THAP11: variants seen among roughly 807,000 people sequenced by gnomAD.
The protein encoded by THAP11 is THAP domain-containing protein 11.
THAP11 carries 8 observed loss-of-function variants against 24.1 expected under a neutral mutation model. The observed-to-expected ratio is 0.33, with a 90% CI of 0.20 to 0.60. THAP11 has a LOEUF of 0.60. Ranked by LOEUF, THAP11 falls within the 20% of genes least tolerant of loss-of-function variation. THAP11 has a pLI of 0.82. For synonymous variants in THAP11, 222 were observed against 180.2 expected, an observed-to-expected ratio of 1.23 and a Z score of -1.86; for missense variants, 276 against 418.4, an observed-to-expected ratio of 0.66 and a Z score of 2.97.
Position 67,843,212 on chromosome 16 carries a change from G to T in THAP11, c.658G>T (p.Ala220Ser), listed in dbSNP as rs762984802. The change falls in exon 1 of 1, where the codon GCT (alanine) becomes TCT (serine). Residue 220 changes from alanine to serine, a missense_variant. Coordinates refer to ENST00000303596, the MANE Select transcript of THAP11 (RefSeq NM_020457.3). The surrounding 1 kb of genome is among the most constrained non-coding windows in gnomAD (Gnocchi z 5.7). ...ACAGGCTGCTACCGCAGGGCTGGAG[G>T]CTGCCGAGTGCCCTATGGGCCCCCA... ...ELQAATAGLE[A>S]AECPMGPQLV... 4.3e-6 allele frequency: 7 copies of T among 1,611,722 alleles called. No individual in the cohort carries two copies. The East Asian group carries it at 1.6e-4, about 36-fold the overall frequency.
chr16:67,842,812 T>C lies in THAP11; in HGVS notation c.258T>C (p.Asn86=), dbSNP rs2057771072. ...CCATCTTCCCGCTGCGCGGCGTCAA[T>C]GAGCGCAAAGTAGCGCGCAGACCCG... ...VPTIFPLRGV[N]ERKVARRPAG... The change falls in exon 1 of 1, where the codon AAT becomes AAC. Residue 86 remains asparagine (N), a synonymous_variant. Transcript: ENST00000303596. This position sits in a 1 kb window ranked among gnomAD's most constrained non-coding sequence, Gnocchi z 4.9. 6 of 1,610,212 alleles carry C rather than the reference T, an allele frequency of 3.7e-6. No homozygotes were observed. In the East Asian group the frequency reaches 1.3e-4, roughly 36 times the overall value.
chr16:67,843,266 C>T lies in THAP11; in HGVS notation c.712C>T (p.Pro238Ser), dbSNP rs953302157. 8.1e-6 allele frequency: 13 copies of T among 1,613,342 alleles called. No homozygotes were observed. The highest frequency in any genetic ancestry group is 1.1e-5 in the Non-Finnish European group (13 of 1,179,792). The change falls in exon 1 of 1, where the codon CCT becomes TCT. Residue 238 changes from proline to serine, a missense_variant. This residue lies in a region of THAP11 where 210 missense variants were observed against 203.4 expected (regional missense o/e 1.03). Coordinates refer to ENST00000303596, the MANE Select transcript of THAP11 (RefSeq NM_020457.3). This position sits in a 1 kb window ranked among gnomAD's most constrained non-coding sequence, Gnocchi z 5.7. ...QLVVVGEEGF[P>S]DTGSDHSYSL... is the part of the protein sequence containing the mutation. ...GGTGGTGGTAGGGGAAGAGGGCTTC[C>T]CTGATACTGGCTCCGACCATTCGTA...
Position 67,842,983 on chromosome 16 carries a change from C to G in THAP11, c.429C>G (p.Ala143=). 6.2e-7 allele frequency: 1 copy of G among 1,612,234 alleles called. No individual in the cohort carries two copies. The highest frequency in any genetic ancestry group is 1.1e-5 in the South Asian group (1 of 91,040). The change falls in exon 1 of 1, where the codon GCC becomes GCG. Residue 143 remains alanine (A), a synonymous_variant. Transcript: ENST00000303596. The surrounding 1 kb of genome is among the most constrained non-coding windows in gnomAD (Gnocchi z 4.9). ...SSPSASTAQT[A]QLQPNLVSAS... ...CCTCTGCCTCCACTGCCCAGACTGC[C>G]CAGCTGCAGCCGAACCTGGTATCTG... is the stretch of plus-strand genomic sequence containing the variant.
chr16:67,842,923 G>GCAGCAA lies in THAP11; in HGVS notation c.374_375insACAGCA (p.Gln131_Gln132dup), dbSNP rs1555494453. The GCAGCAA allele has an allele frequency of 2.7e-4, 192 of 705,498 alleles. No individual in the cohort carries two copies. Among genetic ancestry groups the GCAGCAA allele is most frequent in the South Asian group, 3.6e-4 (9 of 25,326 alleles). 43.7% of individuals were successfully genotyped at this position (705,498 alleles called of 1,614,324 possible). ...AGCAACAGCAGCAGCAGCAGCAACAGCAGCAGCAGCAGCAGCAGCAGCAGC... is the reference window on the plus strand; with the variant it reads ...AGCAACAGCAGCAGCAGCAGCAACAGCAGCAACAGCAGCAGCAGCAGCAGCAGCAGC... On this transcript the variant is annotated inframe_insertion, in exon 1 of 1. Transcript: ENST00000303596. The surrounding 1 kb of genome is among the most constrained non-coding windows in gnomAD (Gnocchi z 4.9).
Position 67,842,635 on chromosome 16 carries a change from A to G in THAP11, c.81A>G (p.Pro27=), listed in dbSNP as rs763532068. ...RDKALHFYTF[P]KDAELRRLWL... is the part of the protein sequence containing the mutation. ...AGGCGCTGCACTTCTACACGTTTCC[A>G]AAGGACGCTGAGTTGCGGCGCCTCT... Residue 27 remains proline, a synonymous_variant, in exon 1 of 1, where the codon CCA becomes CCG. Coordinates refer to ENST00000303596, the MANE Select transcript of THAP11 (RefSeq NM_020457.3). This position sits in a 1 kb window ranked among gnomAD's most constrained non-coding sequence, Gnocchi z 4.9. The G allele has an allele frequency of 4.9e-5, 76 of 1,553,522 alleles. No homozygotes were observed. The highest frequency in any genetic ancestry group is 6.2e-5 in the Non-Finnish European group (71 of 1,148,180).
rs748123613 is a variant in THAP11 at position 67,842,887 on chromosome 16, G to GCAGCAA, written c.339_344dup (p.Gln131_Gln132dup). The GCAGCAA allele has an allele frequency of 1.3e-6, 2 of 1,585,862 alleles. No homozygotes were observed. Among genetic ancestry groups the GCAGCAA allele is most frequent in the African/African-American group, 1.5e-5 (1 of 68,286 alleles). Reference sequence around the variant, plus strand: ...GGCAGCAGCAGCAACAGCAGCAGCAGCAGCAACAGCAGCAACAGCAGCAGC... The same window carrying GCAGCAA: ...GGCAGCAGCAGCAACAGCAGCAGCAGCAGCAACAGCAACAGCAGCAACAGCAGCAGC... On this transcript the variant is annotated inframe_insertion, in exon 1 of 1. Coordinates refer to ENST00000303596, the MANE Select transcript of THAP11 (RefSeq NM_020457.3). The surrounding 1 kb of genome is among the most constrained non-coding windows in gnomAD (Gnocchi z 4.9).
rs762984802 is a variant in THAP11, at chr16:67,843,212, G to A, written c.658G>A (p.Ala220Thr). 19 of 1,611,722 alleles carry A rather than the reference G, an allele frequency of 1.2e-5. No individual in the cohort carries two copies. Among genetic ancestry groups the A allele is most frequent in the South Asian group, 8.8e-5 (8 of 91,076 alleles). The change falls in exon 1 of 1, where the codon GCT becomes ACT. Residue 220 changes from alanine (A) to threonine (T), a missense_variant. By Grantham distance (58) the Ala-to-Thr change is moderately conservative (BLOSUM62 0). This residue lies in a region of THAP11 where 210 missense variants were observed against 203.4 expected (regional missense o/e 1.03). Coordinates refer to ENST00000303596, the MANE Select transcript of THAP11 (RefSeq NM_020457.3). The surrounding 1 kb of genome is among the most constrained non-coding windows in gnomAD (Gnocchi z 5.7). ...ACAGGCTGCTACCGCAGGGCTGGAGGCTGCCGAGTGCCCTATGGGCCCCCA... is the reference window on the plus strand; with the variant it reads ...ACAGGCTGCTACCGCAGGGCTGGAGACTGCCGAGTGCCCTATGGGCCCCCA... ...ELQAATAGLEAAECPMGPQLV... is the reference protein window; with the variant it reads ...ELQAATAGLETAECPMGPQLV...
rs2057769334 is a variant in THAP11 at position 67,842,541 on chromosome 16, C to T, written c.-14C>T. On this transcript the variant is annotated 5_prime_UTR_variant, in exon 1 of 1. Transcript: ENST00000303596. This position sits in a 1 kb window ranked among gnomAD's most constrained non-coding sequence, Gnocchi z 4.9. Reference sequence around the variant, plus strand: ...AGGAGGCCGGTGGGCCGGGCCGGGCCGCGCGGCGCAGCCATGCCTGGCTTT... The same window carrying T: ...AGGAGGCCGGTGGGCCGGGCCGGGCTGCGCGGCGCAGCCATGCCTGGCTTT... 6.7e-7 allele frequency: 1 copy of T among 1,497,580 alleles called. No individual in the cohort carries two copies. Among genetic ancestry groups the T allele is most frequent in the South Asian group, 1.3e-5 (1 of 77,526 alleles). 92.8% of individuals were successfully genotyped at this position (1,497,580 alleles called of 1,614,324 possible).
At position 67,843,625 on chromosome 16, in the gene THAP11, CT is replaced by C. The variant is rs2057779802; in HGVS notation, c.*127del. 1.8e-5 allele frequency: 17 copies of C among 968,926 alleles called. No individual in the cohort carries two copies. The South Asian group carries it at 3.0e-4, about 17-fold the overall frequency. The allele number at this position is 968,926 out of a possible 1,614,324, so 60.0% of individuals were successfully genotyped here. ...TACTGAGGCTTAAGGCAGCTGGACT[CT>C]CTTGCTGGTGACCTGGCATCCTCAA... On this transcript the variant is annotated 3_prime_UTR_variant, in exon 1 of 1. Transcript: ENST00000303596. The surrounding 1 kb of genome is among the most constrained non-coding windows in gnomAD (Gnocchi z 5.7).
chr16:67,842,990 C>T lies in THAP11; in HGVS notation c.436C>T (p.Gln146Ter). The part of the protein sequence containing the change: ...SASTAQTAQL[Q>*]PNLVSASAAV... ...CTCCACTGCCCAGACTGCCCAGCTGCAGCCGAACCTGGTATCTGCTTCCGC... is the reference window on the plus strand; with the variant it reads ...CTCCACTGCCCAGACTGCCCAGCTGTAGCCGAACCTGGTATCTGCTTCCGC... Residue 146 changes from glutamine (Q) to a stop codon, truncating the protein, a stop_gained, in exon 1 of 1, where the codon CAG becomes TAG. Transcript: ENST00000303596. LOFTEE classifies it high-confidence loss of function. This position sits in a 1 kb window ranked among gnomAD's most constrained non-coding sequence, Gnocchi z 4.9. 1 of 1,612,482 alleles carries T rather than the reference C, an allele frequency of 6.2e-7. No homozygotes were observed.
At position 67,843,627 on chromosome 16, in the gene THAP11, C is replaced by A; in HGVS notation, c.*128C>A. 1 of 955,582 alleles carries A rather than the reference C, an allele frequency of 1.0e-6. No individual in the cohort carries two copies. The highest frequency in any genetic ancestry group is 1.5e-6 in the Non-Finnish European group (1 of 651,958). 59.2% of individuals were successfully genotyped at this position (955,582 alleles called of 1,614,324 possible). On this transcript the variant is annotated 3_prime_UTR_variant, in exon 1 of 1. Transcript: ENST00000303596. This position sits in a 1 kb window ranked among gnomAD's most constrained non-coding sequence, Gnocchi z 5.7. ...CTGAGGCTTAAGGCAGCTGGACTCT[C>A]TTGCTGGTGACCTGGCATCCTCAAT...
At position 67,842,888 on chromosome 16, in the gene THAP11, C is replaced by T; in HGVS notation, c.334C>T (p.Gln112Ter). Reference protein sequence around the residue: ...RRQQQQQQQQQQQQQQQQQQQ... With the variant: ...RRQQQQQQQQ The stretch of plus-strand genomic sequence containing the variant: ...GCAGCAGCAGCAACAGCAGCAGCAG[C>T]AGCAACAGCAGCAACAGCAGCAGCA... Residue 112 changes from glutamine to a stop codon, truncating the protein, a stop_gained, in exon 1 of 1, where the codon CAG becomes TAG. Transcript: ENST00000303596. LOFTEE classifies it high-confidence loss of function. The surrounding 1 kb of genome is among the most constrained non-coding windows in gnomAD (Gnocchi z 4.9). 2 of 1,585,854 alleles carry T rather than the reference C, an allele frequency of 1.3e-6. No homozygotes were observed. Among genetic ancestry groups the T allele is most frequent in the Non-Finnish European group, 1.7e-6 (2 of 1,170,094 alleles).
chr16:67,842,925 AGC>A lies in THAP11; in HGVS notation c.372_373del (p.Gln125AlafsTer114). 1 of 1,336,220 alleles carries A rather than the reference AGC, an allele frequency of 7.5e-7. No individual in the cohort carries two copies. The allele number at this position is 1,336,220 out of a possible 1,614,324, so 82.8% of individuals were successfully genotyped here. On this transcript the variant is annotated frameshift_variant, in exon 1 of 1. Coordinates refer to ENST00000303596, the MANE Select transcript of THAP11 (RefSeq NM_020457.3). LOFTEE classifies it high-confidence loss of function. This position sits in a 1 kb window ranked among gnomAD's most constrained non-coding sequence, Gnocchi z 4.9. ...CAACAGCAGCAGCAGCAGCAACAGC[AGC>A]AGCAGCAGCAGCAGCAGCAGCAGTC...
At position 67,842,396 on chromosome 16, in the gene THAP11, C is replaced by A. The variant is rs2057767805; in HGVS notation, c.-159C>A. ...GCCGGCAGGAAGCGTATTCTGGGCA[C>A]GGGGCGCCGGGCGGGCCGGCTGCGC... On this transcript the variant is annotated 5_prime_UTR_variant, in exon 1 of 1. Coordinates refer to ENST00000303596, the MANE Select transcript of THAP11 (RefSeq NM_020457.3). This position sits in a 1 kb window ranked among gnomAD's most constrained non-coding sequence, Gnocchi z 4.9. 1 of 369,446 alleles carries A rather than the reference C, an allele frequency of 2.7e-6. No homozygotes were observed. The highest frequency in any genetic ancestry group is 4.2e-6 in the Non-Finnish European group (1 of 240,570). 22.9% of individuals were successfully genotyped at this position (369,446 alleles called of 1,614,324 possible).
Position 67,842,893 on chromosome 16 carries a change from ACAGCAGCAACAG to A in THAP11, c.348_359del (p.Gln129_Gln132del), listed in dbSNP as rs963979127. 16 of 1,585,438 alleles carry A rather than the reference ACAGCAGCAACAG, an allele frequency of 1.0e-5. No individual in the cohort carries two copies. The highest frequency in any genetic ancestry group is 2.9e-5 in the African/African-American group (2 of 68,024). ...AGCAGCAACAGCAGCAGCAGCAGCA[ACAGCAGCAACAG>A]CAGCAGCAGCAGCAACAGCAGCAGC... is the stretch of plus-strand genomic sequence containing the variant. On this transcript the variant is annotated inframe_deletion, in exon 1 of 1. Transcript: ENST00000303596. This position sits in a 1 kb window ranked among gnomAD's most constrained non-coding sequence, Gnocchi z 4.9.
chr16:67,843,347 C>T lies in THAP11; in HGVS notation c.793C>T (p.Arg265Trp). 6.2e-7 allele frequency: 1 copy of T among 1,613,890 alleles called. No homozygotes were observed. The highest frequency in any genetic ancestry group is 8.5e-7 in the Non-Finnish European group (1 of 1,180,042). ...EELLRKLNEQ[R>W]DILALMEVKM... ...GCTCCTGCGCAAGCTGAATGAGCAG[C>T]GGGACATCCTGGCTCTGATGGAAGT... Residue 265 changes from arginine (R) to tryptophan (W), a missense_variant, in exon 1 of 1, where the codon CGG becomes TGG. By Grantham distance (101) the Arg-to-Trp change is moderately radical. This residue lies in a region of THAP11 where 38 missense variants were observed against 95.9 expected (regional missense o/e 0.40). Coordinates refer to ENST00000303596, the MANE Select transcript of THAP11 (RefSeq NM_020457.3). This position sits in a 1 kb window ranked among gnomAD's most constrained non-coding sequence, Gnocchi z 5.7.
In THAP11 at chr16:67,843,797, C is replaced by T. The variant is rs2057780766; in HGVS notation, c.*298C>T. 3 of 371,664 alleles carry T rather than the reference C, an allele frequency of 8.1e-6. No homozygotes were observed. The highest frequency in any genetic ancestry group is 2.1e-5 in the African/African-American group (1 of 47,486). 23.0% of individuals were successfully genotyped at this position (371,664 alleles called of 1,614,324 possible). A position where few individuals can be genotyped will look rare whatever the true frequency, so the allele number is the denominator to read the frequency against. On this transcript the variant is annotated 3_prime_UTR_variant, in exon 1 of 1. Coordinates refer to ENST00000303596, the MANE Select transcript of THAP11 (RefSeq NM_020457.3). This position sits in a 1 kb window ranked among gnomAD's most constrained non-coding sequence, Gnocchi z 5.7. ...CAGAACCACTGAACTTGAAACTTAC[C>T]CTCTAGGGATGCAGGTGGGATGTCC...
chr16:67,842,659 C>G lies in THAP11; in HGVS notation c.105C>G (p.Leu35=). The G allele has an allele frequency of 6.4e-7, 1 of 1,565,376 alleles. No individual in the cohort carries two copies. Among genetic ancestry groups the G allele is most frequent in the Non-Finnish European group, 8.7e-7 (1 of 1,154,384 alleles). Residue 35 remains leucine (L), a synonymous_variant, in exon 1 of 1, where the codon CTC becomes CTG. Transcript: ENST00000303596. This position sits in a 1 kb window ranked among gnomAD's most constrained non-coding sequence, Gnocchi z 4.9. ...TFPKDAELRR[L]WLKNVSRAGV... ...CAAAGGACGCTGAGTTGCGGCGCCT[C>G]TGGCTCAAGAACGTGTCGCGTGCCG...
Position 67,842,902 on chromosome 16 carries a change from A to AG in THAP11, c.348_349insG (p.Gln117AlafsTer123). ...AGCAGCAGCAGCAGCAACAGCAGCA[A>AG]CAGCAGCAGCAGCAGCAACAGCAGC... On this transcript the variant is annotated frameshift_variant, in exon 1 of 1. Coordinates refer to ENST00000303596, the MANE Select transcript of THAP11 (RefSeq NM_020457.3). LOFTEE classifies it high-confidence loss of function. This position sits in a 1 kb window ranked among gnomAD's most constrained non-coding sequence, Gnocchi z 4.9. 1.9e-6 allele frequency: 3 copies of AG among 1,583,134 alleles called. No homozygotes were observed. Among genetic ancestry groups the AG allele is most frequent in the Non-Finnish European group, 2.6e-6 (3 of 1,165,818 alleles).
Sources: gnomAD v4.1 joint callset for allele counts on GRCh38, gnomAD v4.1.1 for gene constraint, gnomAD v4.1.1 regional missense constraint, Gnocchi (gnomAD v3.1) non-coding constraint, MANE v1.5 for transcripts, NCBI Gene and HGNC (gene_info 2026-07-23, HGNC 2026-07-21) for gene names.